Variants in TNKS observed in about 807,000 individuals in gnomAD.
TNKS encodes tankyrase.
In TNKS, 72 loss-of-function variants were observed where a neutral mutation model predicts 135.8. That is an observed-to-expected ratio of 0.53 (90% CI 0.44 to 0.64). The LOEUF is 0.64. Among genes scored for constraint, TNKS ranks in the 30% least tolerant of loss-of-function variants. TNKS has a pLI of 0.00. For synonymous variants in TNKS, 849 were observed against 649.3 expected, an observed-to-expected ratio of 1.31 and a Z score of -4.68; for missense variants, 1,769 against 1,674.0, an observed-to-expected ratio of 1.06 and a Z score of -0.99.
At chr8:9,701,500 G>C (rs1164642369) in intron 5 of TNKS, among the ~76,000 whole-genome samples, 1 of 152,186 alleles carries the variant, frequency 6.6e-6, no homozygotes. Context: ...GTCTGTGGAG[G>C]AAGTTTTCAA....
rs867689989 is a variant in TNKS at position 9,729,248 on chromosome 8, T to C, written c.2002-1642T>C. Among the ~76,000 whole-genome samples, 10 of 152,306 alleles carry C rather than the reference T, an allele frequency of 6.6e-5. 1 individual carries two copies. Among genetic ancestry groups the C allele is most frequent in the South Asian group, 2.1e-4 (1 of 4,822 alleles). On this transcript the variant is annotated intron_variant, in intron 13 of 26. Transcript: ENST00000310430. The stretch of plus-strand genomic sequence containing the variant: ...CAGTCACCTCCTTAACACTATTGCA[T>C]TGGAGATTAAGTTTCAACATGAATT...
At chr8:9,584,243 C>G (rs547152363) in intron 2 of TNKS, among the ~76,000 whole-genome samples, 1 of 149,518 alleles carries the variant, frequency 6.7e-6, no homozygotes, top group South Asian at 2.1e-4. Context: ...AATTAGTATC[C>G]AATTCTTTTT....
chr8:9,602,340 G>A (rs1799048437), intron 2 of TNKS, among the ~76,000 whole-genome samples: 1 of 152,166 alleles, frequency 6.6e-6, no homozygotes, highest in Non-Finnish European at 1.5e-5. Flanking sequence ...AAGGAAAAGG[G>A]CCAAAGGACT....
chr8:9,620,843 T>C (rs1305981856), intron 3 of TNKS, among the ~76,000 whole-genome samples: 3 of 152,198 alleles, frequency 2.0e-5, no homozygotes, highest in African/African-American at 7.2e-5. Context: ...TGGCATTGCA[T>C]TGTGTTGTTG....
intron 2 of TNKS, among the ~76,000 whole-genome samples, chr8:9,586,753 G>C (rs1798395664): frequency 6.8e-6 from 1 of 146,958 alleles, no homozygotes; most frequent in African/African-American, 2.5e-5. Context: ...GTGTGTGTGT[G>C]TGTGTGTGTA....
chr8:9,753,685 C>G (rs140287986), intron 20 of TNKS, among the ~76,000 whole-genome samples: 1,672 of 152,258 alleles, frequency 0.011, 12 homozygotes, highest in African/African-American at 0.023. Flanking sequence ...AAATTATTCT[C>G]CCAGGTGTAG....
chr8:9,769,142 A>G (rs1201043420), intron 25 of TNKS, among the ~76,000 whole-genome samples: 8 of 152,208 alleles, frequency 5.3e-5, no homozygotes, highest in Admixed American at 5.2e-4. Context: ...CTGTCACAGT[A>G]ACTCAATTCT....
rs533167939 is a variant in TNKS at position 9,604,743 on chromosome 8, C to T, written c.899-10839C>T. On this transcript the variant is annotated intron_variant, in intron 2 of 26. Coordinates refer to ENST00000310430, the MANE Select transcript of TNKS (RefSeq NM_003747.3). ...ATCTGTGGCATTAGCTCTGTAAATA[C>T]ATACATATGTATGTGTGTATGTATA... Among the ~76,000 whole-genome samples, 4 of 151,866 alleles carry T rather than the reference C, an allele frequency of 2.6e-5. No homozygotes were observed. The South Asian group carries it at 8.3e-4, about 32-fold the overall frequency.
chr8:9,742,774 C>T (rs1432785335), intron 17 of TNKS, among the ~76,000 whole-genome samples: 2 of 147,960 alleles, frequency 1.4e-5, no homozygotes, highest in Non-Finnish European at 3.0e-5. Context: ...TATTAGTACT[C>T]CTTAAATATA....
intron 3 of TNKS, among the ~76,000 whole-genome samples, chr8:9,631,546 A>C (rs1416192150): frequency 6.6e-6 from 1 of 152,172 alleles, no homozygotes; most frequent in Non-Finnish European, 1.5e-5. Context: ...TCTTGTCTCT[A>C]TTTGGTAGAC....
At chr8:9,683,802 T>C (rs887017615) in intron 5 of TNKS, among the ~76,000 whole-genome samples, 7 of 151,972 alleles carry the variant, frequency 4.6e-5, no homozygotes, top group Non-Finnish European at 1.0e-4. Flanking sequence ...TAATATTTTG[T>C]TTCCCAAAGA....
intron 13 of TNKS, among the ~76,000 whole-genome samples, chr8:9,729,330 T>A (rs975227093): frequency 4.6e-5 from 7 of 152,176 alleles, no homozygotes; most frequent in Non-Finnish European, 8.8e-5. Context: ...TCAGTAGAAA[T>A]TTTTCAGGTT....
chr8:9,568,086 C>G (rs555365123), intron 1 of TNKS, among the ~76,000 whole-genome samples: 10 of 152,244 alleles, frequency 6.6e-5, no homozygotes, highest in African/African-American at 2.2e-4. Context: ...CTCTTTTCAT[C>G]TTATCTGTTG....
At chr8:9,671,150 C>G (rs950274609) in intron 3 of TNKS, 3 of 151,880 alleles carry the variant, frequency 2.0e-5, no homozygotes, top group African/African-American at 4.8e-5. Context: ...CTATAGGTGA[C>G]ATGAGAATTT....
chr8:9,748,609 T>C (rs1016619486), intron 18 of TNKS, among the ~76,000 whole-genome samples: 1 of 152,188 alleles, frequency 6.6e-6, no homozygotes, highest in African/African-American at 2.4e-5. Context: ...CTGGGCAGTA[T>C]TATTTAACTG....
chr8:9,618,073 G>A (rs891983776), intron 3 of TNKS, among the ~76,000 whole-genome samples: 5 of 143,110 alleles, frequency 3.5e-5, no homozygotes, highest in African/African-American at 7.9e-5. Flanking sequence ...TGCAACCTCC[G>A]TCTCCCGGGT....
At chr8:9,574,825 T>C (rs1388425495) in intron 1 of TNKS, among the ~76,000 whole-genome samples, 1 of 152,170 alleles carries the variant, frequency 6.6e-6, no homozygotes, top group Non-Finnish European at 1.5e-5. Flanking sequence ...TATCTGGAGA[T>C]GCCATTTCTT....
intron 3 of TNKS, chr8:9,658,260 ATC>A (rs1801515625): frequency 2.8e-6 from 1 of 362,286 alleles, no homozygotes; most frequent in South Asian, 6.7e-5. Flanking sequence ...AGAGGCTGCA[ATC>A]TCGGCACTTT....
rs550992385 is a variant in TNKS, at chr8:9,782,164, C to G, written c.*5428C>G. Reference sequence around the variant, plus strand: ...CATCTCGTCACCTGAAATGGAAGTCCTTTTTCCCTCACCCTCCACTTCTTT... The same window carrying G: ...CATCTCGTCACCTGAAATGGAAGTCGTTTTTCCCTCACCCTCCACTTCTTT... On this transcript the variant is annotated 3_prime_UTR_variant, in exon 27 of 27. Coordinates refer to ENST00000310430, the MANE Select transcript of TNKS (RefSeq NM_003747.3). The G allele has an allele frequency of 6.6e-6, 1 of 152,634 alleles. No individual in the cohort carries two copies. Among genetic ancestry groups the G allele is most frequent in the Admixed American group, 6.5e-5 (1 of 15,286 alleles). The allele number at this position is 152,634 out of a possible 1,614,324, so 9.5% of individuals were successfully genotyped here. A position where few individuals can be genotyped will look rare whatever the true frequency, so the allele number is the denominator to read the frequency against.
Sources: gnomAD v4.1 joint callset for allele counts (sites outside exome capture counted in the v4.1 genomes callset) on GRCh38, gnomAD v4.1.1 for gene constraint, MANE v1.5 for transcripts, NCBI Gene and HGNC (gene_info 2026-07-23, HGNC 2026-07-21) for gene names.